OSBPL3: variants seen among roughly 807,000 people sequenced by gnomAD.
OSBPL3 encodes the protein oxysterol binding protein like 3, also known as oxysterol-binding protein-related protein 3.
OSBPL3 carries 65 observed loss-of-function variants against 120.1 expected under a neutral mutation model. The ratio of observed to expected loss-of-function variants is 0.54; its 90% confidence interval spans 0.44 to 0.67. The LOEUF is 0.67. Among genes scored for constraint, OSBPL3 ranks in the 30% least tolerant of loss-of-function variants. OSBPL3 has a pLI of 0.00. For synonymous variants in OSBPL3, 416 were observed against 402.6 expected, an observed-to-expected ratio of 1.03 and a Z score of -0.40; for missense variants, 1,004 against 1,082.1, an observed-to-expected ratio of 0.93 and a Z score of 1.01.
rs1806122408 is a variant in OSBPL3, at chr7:24,896,282, C to T, written c.-149-3661G>A. ...CACCAAAACCAACACGTGTCAAACACCAGATGCACTTGTGTCAGTTCAAAA... is the reference window on the plus strand; with the variant it reads ...CACCAAAACCAACACGTGTCAAACATCAGATGCACTTGTGTCAGTTCAAAA... On this transcript the variant is annotated intron_variant, in intron 1 of 22. Transcript: ENST00000313367. The surrounding 1 kb of genome is among the most constrained non-coding windows in gnomAD (Gnocchi z 4.4). Among the ~76,000 whole-genome samples, 2 of 152,226 alleles carry T rather than the reference C, an allele frequency of 1.3e-5. No homozygotes were observed. Among genetic ancestry groups the T allele is most frequent in the Non-Finnish European group, 2.9e-5 (2 of 68,052 alleles).
At position 24,895,875 on chromosome 7, in the gene OSBPL3, A is replaced by G. The variant is rs74396284; in HGVS notation, c.-149-3254T>C. Among the ~76,000 whole-genome samples, 872 of 152,348 alleles carry G rather than the reference A, an allele frequency of 5.7e-3. 2 individuals carry two copies. Among genetic ancestry groups the G allele is most frequent in the South Asian group, 0.032 (153 of 4,828 alleles). On this transcript the variant is annotated intron_variant, in intron 1 of 22. Transcript: ENST00000313367. ...TACTGAGAAATAACAGGTATACTAAAGTGCACAAATCTTAAGTGCACATAC... is the reference window on the plus strand; with the variant it reads ...TACTGAGAAATAACAGGTATACTAAGGTGCACAAATCTTAAGTGCACATAC...
At position 24,922,902 on chromosome 7, in the gene OSBPL3, A is replaced by G. The variant is rs1422091064; in HGVS notation, c.-149-30281T>C. ...AAGCTTATTACTTTAGGGTCGATGC[A>G]GCAAACAAACAAAAAAGCAAGTTTG... is the stretch of plus-strand genomic sequence containing the variant. On this transcript the variant is annotated intron_variant, in intron 1 of 22. Coordinates refer to ENST00000313367, the MANE Select transcript of OSBPL3 (RefSeq NM_015550.4). The surrounding 1 kb of genome is among the most constrained non-coding windows in gnomAD (Gnocchi z 4.3). 2.6e-5 allele frequency among the ~76,000 whole-genome samples: 4 copies of G among 151,376 alleles called. No individual in the cohort carries two copies. Among genetic ancestry groups the G allele is most frequent in the African/African-American group, 4.9e-5 (2 of 41,236 alleles).
chr7:24,902,823 G>A (rs1807261855), intron 1 of OSBPL3, among the ~76,000 whole-genome samples: 1 of 151,944 alleles, frequency 6.6e-6, no homozygotes, highest in African/African-American at 2.4e-5. Context: ...CTCTTTGTCT[G>A]AGGTACTAGC....
At chr7:24,856,744 G>C (rs1400867637) in intron 10 of OSBPL3, among the ~76,000 whole-genome samples, 1 of 152,168 alleles carries the variant, frequency 6.6e-6, no homozygotes, top group Non-Finnish European at 1.5e-5. Context: ...AACAAACAGT[G>C]AGACTCATTT....
chr7:24,844,073 T>C (rs937263497), intron 12 of OSBPL3, among the ~76,000 whole-genome samples: 1 of 152,232 alleles, frequency 6.6e-6, no homozygotes, highest in East Asian at 1.9e-4. Flanking sequence ...CCTAGCCCTT[T>C]CTGGCATCTT....
At chr7:24,923,980 A>G (rs1337448511) in intron 1 of OSBPL3, among the ~76,000 whole-genome samples, 1 of 152,246 alleles carries the variant, frequency 6.6e-6, no homozygotes, top group Non-Finnish European at 1.5e-5. Context: ...ATTTTGACAC[A>G]TATTGTGGAT....
rs1423398572 is a variant in OSBPL3, at chr7:24,881,706, AACTT to A, written c.97-9641_97-9638del. Among the ~76,000 whole-genome samples the A allele has an allele frequency of 6.6e-6, 1 of 152,194 alleles. No homozygotes were observed. The highest frequency in any genetic ancestry group is 1.5e-5 in the Non-Finnish European group (1 of 68,042). ...GAGGCCAACTTGATGAGCAGTCACA[AACTT>A]TGGTGGCTTAAATAAACAGATATTT... On this transcript the variant is annotated intron_variant, in intron 2 of 22. Coordinates refer to ENST00000313367, the MANE Select transcript of OSBPL3 (RefSeq NM_015550.4). The surrounding 1 kb of genome is among the most constrained non-coding windows in gnomAD (Gnocchi z 4.3).
intron 2 of OSBPL3, among the ~76,000 whole-genome samples, chr7:24,889,187 C>A (rs1562888410): frequency 6.6e-6 from 1 of 152,174 alleles, no homozygotes; most frequent in African/African-American, 2.4e-5. Context: ...AGAAAGACAT[C>A]TTGTCATTTG....
At chr7:24,843,515 A>C (rs1419936126) in intron 12 of OSBPL3, among the ~76,000 whole-genome samples, 1 of 152,206 alleles carries the variant, frequency 6.6e-6, no homozygotes, top group Non-Finnish European at 1.5e-5. Context: ...TATACCCCTC[A>C]GTCTCATAGG....
At position 24,938,879 on chromosome 7, in the gene OSBPL3, A is replaced by T. The variant is rs1354412418; in HGVS notation, c.-150+41007T>A. 4.7e-5 allele frequency among the ~76,000 whole-genome samples: 7 copies of T among 150,382 alleles called. No homozygotes were observed. In the East Asian group the frequency reaches 1.2e-3, roughly 25 times the overall value. Reference sequence around the variant, plus strand: ...TGGCCAAGAAAGAAAAAAAAAAAAGATTGTTATTAAGGAAAAAGTATATAA... The same window carrying T: ...TGGCCAAGAAAGAAAAAAAAAAAAGTTTGTTATTAAGGAAAAAGTATATAA... On this transcript the variant is annotated intron_variant, in intron 1 of 22. Transcript: ENST00000313367. The surrounding 1 kb of genome is among the most constrained non-coding windows in gnomAD (Gnocchi z 5.8).
chr7:24,924,456 G>A (rs1810790005), intron 1 of OSBPL3, among the ~76,000 whole-genome samples: 1 of 152,168 alleles, frequency 6.6e-6, no homozygotes, highest in South Asian at 2.1e-4. Flanking sequence ...ATACACTTTT[G>A]TACTTGTGAC....
chr7:24,855,216 GGCCA>G lies in OSBPL3; in HGVS notation c.1028-2586_1028-2583del, dbSNP rs989355203. Among the ~76,000 whole-genome samples, 33 of 152,072 alleles carry G rather than the reference GGCCA, an allele frequency of 2.2e-4. No individual in the cohort carries two copies. Among genetic ancestry groups the G allele is most frequent in the Admixed American group, 7.9e-4 (12 of 15,266 alleles). ...CCTGCCACACACACAGGATGCCCATGGCCATCTCAGTGGGTCCCCTGGGGAGCTA... is the reference window on the plus strand; with the variant it reads ...CCTGCCACACACACAGGATGCCCATGTCTCAGTGGGTCCCCTGGGGAGCTA... On this transcript the variant is annotated intron_variant, in intron 10 of 22. Transcript: ENST00000313367. This position sits in a 1 kb window ranked among gnomAD's most constrained non-coding sequence, Gnocchi z 4.3.
At chr7:24,948,727 C>A (rs1814035815) in intron 1 of OSBPL3, among the ~76,000 whole-genome samples, 1 of 152,194 alleles carries the variant, frequency 6.6e-6, no homozygotes, top group African/African-American at 2.4e-5. Flanking sequence ...GCTAATCTCA[C>A]TAAGCCCTCT....
intron 5 of OSBPL3, among the ~76,000 whole-genome samples, chr7:24,868,240 C>T (rs1236703214): frequency 6.7e-6 from 1 of 150,374 alleles, no homozygotes; most frequent in African/African-American, 2.5e-5. Flanking sequence ...TCGCTTGAAC[C>T]TGGGAGGGGG....
chr7:24,978,315 T>C (rs1042679606), intron 1 of OSBPL3, among the ~76,000 whole-genome samples: 3 of 152,220 alleles, frequency 2.0e-5, no homozygotes. Flanking sequence ...ACAGAGAAGG[T>C]TTCATTTATT....
chr7:24,837,497 C>T (rs1245355394), intron 14 of OSBPL3, among the ~76,000 whole-genome samples: 1 of 152,164 alleles, frequency 6.6e-6, no homozygotes, highest in African/African-American at 2.4e-5. Context: ...AGCCACTGTG[C>T]CTTGCCTGTA....
At chr7:24,876,268 C>A (rs1464540425) in intron 2 of OSBPL3, among the ~76,000 whole-genome samples, 7 of 152,102 alleles carry the variant, frequency 4.6e-5, no homozygotes, top group Non-Finnish European at 1.0e-4. Flanking sequence ...TGATCTTTTC[C>A]AACGATGTGA....
chr7:24,849,054 G>A lies in OSBPL3; in HGVS notation c.1266+15C>T, dbSNP rs900987791. On this transcript the variant is annotated intron_variant, in intron 12 of 22. Transcript: ENST00000313367. The surrounding 1 kb of genome is among the most constrained non-coding windows in gnomAD (Gnocchi z 5.4). ...GGCAGCTGGGGAGACATTACCAGACGAGAAACCTACCCACCTCTGCCAGAT... is the reference window on the plus strand; with the variant it reads ...GGCAGCTGGGGAGACATTACCAGACAAGAAACCTACCCACCTCTGCCAGAT... 14 of 1,593,674 alleles carry A rather than the reference G, an allele frequency of 8.8e-6. No individual in the cohort carries two copies. The highest frequency in any genetic ancestry group is 1.7e-5 in the Admixed American group (1 of 59,882).
Position 24,891,498 on chromosome 7 carries a change from A to G in OSBPL3, c.96+879T>C, listed in dbSNP as rs539225049. 1.3e-5 allele frequency among the ~76,000 whole-genome samples: 2 copies of G among 152,324 alleles called. No individual in the cohort carries two copies. Among genetic ancestry groups the G allele is most frequent in the East Asian group, 3.9e-4 (2 of 5,186 alleles). ...AAGACTCTGGGTGATTTCTCAGGCC[A>G]GCACTTCCCATGAGGAAAAGGAAAT... On this transcript the variant is annotated intron_variant, in intron 2 of 22. Coordinates refer to ENST00000313367, the MANE Select transcript of OSBPL3 (RefSeq NM_015550.4). This position sits in a 1 kb window ranked among gnomAD's most constrained non-coding sequence, Gnocchi z 4.1.
Sources: allele counts gnomAD v4.1 joint callset (sites outside exome capture counted in the v4.1 genomes callset), GRCh38; gene constraint gnomAD v4.1.1; non-coding constraint Gnocchi (gnomAD v3.1); transcripts MANE v1.5; gene names NCBI Gene and HGNC (gene_info 2026-07-23, HGNC 2026-07-21).